SNTG1: variants seen among roughly 807,000 people sequenced by gnomAD.
SNTG1 encodes syntrophin gamma 1, also known as gamma-1-syntrophin.
Under a neutral mutation model 74.7 loss-of-function variants are expected in SNTG1, and 39 were observed. That is an observed-to-expected ratio of 0.52 (90% CI 0.40 to 0.68). The LOEUF is 0.68. Among genes scored for constraint, SNTG1 ranks in the 30% least tolerant of loss-of-function variants. The pLI is 0.00. For synonymous variants in SNTG1, 254 were observed against 217.1 expected (o/e 1.17, Z -1.49); for missense variants, 685 against 609.5 (o/e 1.12, Z -1.30).
At chr8:50,110,975 C>A (rs1224029636) in intron 1 of SNTG1, among the ~76,000 whole-genome samples, 1 of 152,108 alleles carries the variant, frequency 6.6e-6, no homozygotes, top group East Asian at 1.9e-4. Flanking sequence ...CTATGAAATT[C>A]AAACTTAACC....
intron 2 of SNTG1, among the ~76,000 whole-genome samples, chr8:50,339,191 G>A (rs951237421): frequency 3.3e-5 from 5 of 152,028 alleles, no homozygotes; most frequent in Admixed American, 2.0e-4. Flanking sequence ...CTGGAATTCT[G>A]TATCAAGTTA....
intron 1 of SNTG1, among the ~76,000 whole-genome samples, chr8:50,101,771 A>G (rs1250608301): frequency 2.0e-5 from 3 of 148,370 alleles, no homozygotes; most frequent in Non-Finnish European, 4.4e-5. Context: ...ATGTGTTCTC[A>G]TTGTTCAATT....
At chr8:50,627,346 G>C (rs1475405698) in intron 13 of SNTG1, among the ~76,000 whole-genome samples, 1 of 152,166 alleles carries the variant, frequency 6.6e-6, no homozygotes, top group Non-Finnish European at 1.5e-5. Flanking sequence ...GATTAAAGCT[G>C]CTATAAACAA....
At chr8:50,171,661 C>T (rs970578803) in intron 1 of SNTG1, among the ~76,000 whole-genome samples, 17 of 152,146 alleles carry the variant, frequency 1.1e-4, no homozygotes, top group African/African-American at 3.9e-4. Context: ...AGAATTATTC[C>T]TAGCACATCT....
chr8:50,564,149 A>G (rs1056886671), intron 12 of SNTG1, among the ~76,000 whole-genome samples: 51 of 150,884 alleles, frequency 3.4e-4, no homozygotes, highest in African/African-American at 1.2e-3. Context: ...AATATCACTG[A>G]CTCCTTTCTG....
At chr8:50,331,324 G>C (rs2090958726) in intron 2 of SNTG1, among the ~76,000 whole-genome samples, 1 of 152,158 alleles carries the variant, frequency 6.6e-6, no homozygotes, top group African/African-American at 2.4e-5. Flanking sequence ...ATCTGATTTT[G>C]ACTGAGGGAA....
intron 13 of SNTG1, among the ~76,000 whole-genome samples, chr8:50,646,585 A>G (rs1282007323): frequency 6.6e-6 from 1 of 152,180 alleles, no homozygotes; most frequent in Non-Finnish European, 1.5e-5. Context: ...ATTTATTATG[A>G]ACATGTTGCA....
At chr8:50,728,847 T>G (rs2095506185) in intron 17 of SNTG1, among the ~76,000 whole-genome samples, 1 of 152,206 alleles carries the variant, frequency 6.6e-6, no homozygotes, top group South Asian at 2.1e-4. Flanking sequence ...CTTTCACCTC[T>G]GTCCATGAAT....
intron 5 of SNTG1, among the ~76,000 whole-genome samples, chr8:50,440,021 G>A (rs980081535): frequency 4.6e-5 from 7 of 150,946 alleles, no homozygotes; most frequent in Admixed American, 6.6e-5. Context: ...AGTTTTTAAA[G>A]CATCAATAAT....
intron 13 of SNTG1, among the ~76,000 whole-genome samples, chr8:50,594,568 A>G (rs1446127299): frequency 6.6e-6 from 1 of 152,158 alleles, no homozygotes; most frequent in Non-Finnish European, 1.5e-5. Context: ...TAATTTGGAC[A>G]CATTATTATA....
At chr8:50,759,870 A>G (rs1284313153) in intron 18 of SNTG1, among the ~76,000 whole-genome samples, 1 of 151,966 alleles carries the variant, frequency 6.6e-6, no homozygotes, top group East Asian at 1.9e-4. Context: ...AGTTTTTTCC[A>G]ATTCTGTGAA....
intron 1 of SNTG1, among the ~76,000 whole-genome samples, chr8:50,091,883 CA>C: frequency 6.6e-6 from 1 of 151,870 alleles, no homozygotes. Context: ...ATTAAAATGT[CA>C]GATTTAATCT....
intron 2 of SNTG1, among the ~76,000 whole-genome samples, chr8:50,177,843 C>CA (rs1258934128): frequency 6.6e-6 from 1 of 152,128 alleles, no homozygotes; most frequent in Non-Finnish European, 1.5e-5. Flanking sequence ...TTTCACCACC[C>CA]AAAAATATCC....
chr8:50,520,013 A>G (rs2094166187), intron 9 of SNTG1, among the ~76,000 whole-genome samples: 2 of 152,192 alleles, frequency 1.3e-5, no homozygotes. Context: ...ACAAAACTGG[A>G]GGCATCATGC....
chr8:50,766,056 G>A (rs1261082241), intron 18 of SNTG1, among the ~76,000 whole-genome samples: 6 of 151,924 alleles, frequency 3.9e-5, no homozygotes, highest in Non-Finnish European at 8.8e-5. Context: ...ATTATGAGTT[G>A]CAGTGGATTC....
rs1170526530 is a variant in SNTG1 at position 50,444,014 on chromosome 8, T to G, written c.219+5415T>G. On this transcript the variant is annotated intron_variant, in intron 5 of 18. Transcript: ENST00000642720. ...TTATCTGGGCATGGTGGCACATGCC[T>G]GTAGTCTCAGCTACTTGGGAGGCTG... Among the ~76,000 whole-genome samples the G allele has an allele frequency of 2.6e-5, 4 of 152,052 alleles. No individual in the cohort carries two copies. In the East Asian group the frequency reaches 5.8e-4, roughly 22 times the overall value.
chr8:49,910,291 C>G (rs1315438473), upstream of SNTG1, among the ~76,000 whole-genome samples: 1 of 152,102 alleles, frequency 6.6e-6, no homozygotes, highest in Non-Finnish European at 1.5e-5. Flanking sequence ...CCGCCCCTCC[C>G]GGACCCCCGT....
At chr8:50,781,002 A>C (rs2095657768) in intron 18 of SNTG1, among the ~76,000 whole-genome samples, 2 of 152,150 alleles carry the variant, frequency 1.3e-5, no homozygotes, top group South Asian at 4.1e-4. Context: ...GTCTCCATGT[A>C]GTTGAGCGGT....
At chr8:50,425,279 G>A (rs1444706016) in intron 4 of SNTG1, among the ~76,000 whole-genome samples, 1 of 152,118 alleles carries the variant, frequency 6.6e-6, no homozygotes, top group Admixed American at 6.6e-5. Flanking sequence ...TCACACAGCA[G>A]GAGGTGAGCG....
Sources: gnomAD v4.1 joint callset for allele counts (sites outside exome capture counted in the v4.1 genomes callset) on GRCh38, gnomAD v4.1.1 for gene constraint, MANE v1.5 for transcripts, NCBI Gene and HGNC (gene_info 2026-07-23, HGNC 2026-07-21) for gene names.